FRAS1: variants seen among roughly 807,000 people sequenced by gnomAD.
FRAS1 encodes the protein Fraser extracellular matrix complex subunit 1, also known as extracellular matrix organizing protein FRAS1.
Under a neutral mutation model 435.2 loss-of-function variants are expected in FRAS1, and 290 were observed. That is an observed-to-expected ratio of 0.67 (90% CI 0.61 to 0.73). FRAS1 has a LOEUF of 0.73. Ranked by LOEUF, FRAS1 falls within the 30% of genes least tolerant of loss-of-function variation. The pLI, the probability that FRAS1 is intolerant of heterozygous loss-of-function variation, is 0.00. For missense variants in FRAS1, 4,860 were observed against 5,001.5 expected, an observed-to-expected ratio of 0.97 and a Z score of 0.85; for synonymous variants, 1,800 against 1,851.0, an observed-to-expected ratio of 0.97 and a Z score of 0.71.
chr4:78,285,020 A>G (rs1277181173), intron 13 of FRAS1, among the ~76,000 whole-genome samples: 2 of 152,168 alleles, frequency 1.3e-5, no homozygotes, highest in East Asian at 1.9e-4. Flanking sequence ...CTCAATATCA[A>G]ACAGATAGTT....
intron 4 of FRAS1, among the ~76,000 whole-genome samples, chr4:78,249,880 G>A (rs1454299388): frequency 6.6e-6 from 1 of 152,130 alleles, no homozygotes; most frequent in African/African-American, 2.4e-5. Flanking sequence ...CAACAGTGGT[G>A]TTTCTTGGTA....
rs1741088952 is a variant in FRAS1 at position 78,085,242 on chromosome 4, T to G, written c.108+19226T>G. The stretch of plus-strand genomic sequence containing the variant: ...ACAGATAGGAAATGATATCTCAGCA[T>G]AGTTTTAATTGTATTTCTGTGTTCG... On this transcript the variant is annotated intron_variant, in intron 2 of 73. Coordinates refer to ENST00000512123, the MANE Select transcript of FRAS1 (RefSeq NM_025074.7). Among the ~76,000 whole-genome samples the G allele has an allele frequency of 2.6e-5, 4 of 152,150 alleles. 1 individual carries two copies. In the South Asian group the frequency reaches 8.3e-4, roughly 31 times the overall value.
intron 2 of FRAS1, among the ~76,000 whole-genome samples, chr4:78,128,377 A>C (rs1278341672): frequency 6.6e-6 from 1 of 152,152 alleles, no homozygotes; most frequent in African/African-American, 2.4e-5. Flanking sequence ...CAACAGTGTA[A>C]ACATGTTCCT....
chr4:78,367,250 A>T (rs1304241866), intron 22 of FRAS1, among the ~76,000 whole-genome samples: 1 of 152,056 alleles, frequency 6.6e-6, no homozygotes, highest in East Asian at 1.9e-4. Context: ...AGAAAAAATT[A>T]AAAAATAAGC....
At chr4:78,327,680 A>G (rs762196854) in intron 18 of FRAS1, among the ~76,000 whole-genome samples, 2 of 152,162 alleles carry the variant, frequency 1.3e-5, no homozygotes, top group Non-Finnish European at 2.9e-5. Context: ...GCATGGAGGA[A>G]TTATTCATAG....
intron 73 of FRAS1, 85 bp downstream of exon 73, chr4:78,539,525 C>A (rs1721986421): frequency 1.7e-6 from 2 of 1,182,522 alleles, no homozygotes; most frequent in African/African-American, 1.6e-5. Context: ...AGGACTGCAA[C>A]ATCTCTGGAT....
chr4:78,240,247 G>A (rs970530111), intron 3 of FRAS1, among the ~76,000 whole-genome samples: 2 of 152,100 alleles, frequency 1.3e-5, no homozygotes, highest in African/African-American at 4.8e-5. Context: ...AGTATCTCTG[G>A]TTTTTCAAAG....
intron 2 of FRAS1, among the ~76,000 whole-genome samples, chr4:78,067,535 C>T (rs1285074136): frequency 6.6e-6 from 1 of 152,198 alleles, no homozygotes; most frequent in East Asian, 1.9e-4. Flanking sequence ...CATGCCCTAG[C>T]TGATCCCAGG....
chr4:78,312,855 A>AAGAGAGAGAG (rs751883433), intron 15 of FRAS1, among the ~76,000 whole-genome samples: 2 of 75,248 alleles, frequency 2.7e-5, no homozygotes, highest in Non-Finnish European at 2.4e-5. Flanking sequence ...GAAAGAAAGA[A>AAGAGAGAGAG]AGAAAGAGAG....
chr4:78,400,789 G>A lies in FRAS1; in HGVS notation c.4031G>A (p.Gly1344Glu), dbSNP rs1732856954. 6.2e-7 allele frequency: 1 copy of A among 1,613,394 alleles called. No homozygotes were observed. Among genetic ancestry groups the A allele is most frequent in the African/African-American group, 1.3e-5 (1 of 74,902 alleles). Reference protein sequence around the residue: ...ANSMVWVPEGGMLQITNRILQ... With the variant: ...ANSMVWVPEGEMLQITNRILQ... ...TCGATGGTGTGGGTTCCAGAAGGGG[G>A]GATGCTGCAGATCACCAACAGAATC... The change falls in exon 30 of 74, where the codon GGG becomes GAG. Residue 1344 changes from glycine to glutamate, a missense_variant. Transcript: ENST00000512123.
At chr4:78,249,056 TATATATGC>T (rs1254107172) in intron 4 of FRAS1, among the ~76,000 whole-genome samples, 2,857 of 69,330 alleles carry the variant, frequency 0.041, 229 homozygotes, top group African/African-American at 0.13. Context: ...CTGATATATA[TATATATGC>T]ATATATATAT....
chr4:78,513,312 T>C, intron 64 of FRAS1, 80 bp from the exon 65 acceptor site: 2 of 1,410,558 alleles, frequency 1.4e-6, no homozygotes, highest in South Asian at 2.4e-5. Context: ...GAAGACAAAT[T>C]AGGTGATGAG....
intron 72 of FRAS1, among the ~76,000 whole-genome samples, chr4:78,538,892 C>T (rs1357612509): frequency 2.0e-5 from 3 of 150,718 alleles, no homozygotes; most frequent in Admixed American, 6.6e-5. Flanking sequence ...GAGGTGGAGC[C>T]AGCAGTGAGC....
At chr4:78,466,170 G>T in intron 49 of FRAS1, 38 bp from the exon 50 acceptor site, 1 of 1,576,514 alleles carries the variant, frequency 6.3e-7, no homozygotes, top group South Asian at 1.1e-5. Flanking sequence ...TTTCTGTTAT[G>T]AGCTTCCCTC....
intron 14 of FRAS1, among the ~76,000 whole-genome samples, chr4:78,304,281 C>A (rs531197687): frequency 6.6e-6 from 1 of 152,278 alleles, no homozygotes; most frequent in South Asian, 2.1e-4. Flanking sequence ...AGTATTTTTG[C>A]ATCAATGTTC....
At chr4:78,186,194 G>A (rs1722259834) in intron 2 of FRAS1, among the ~76,000 whole-genome samples, 1 of 151,342 alleles carries the variant, frequency 6.6e-6, no homozygotes. Flanking sequence ...GATTTTTTTA[G>A]AGAGTTGAGA....
chr4:78,416,085 G>C (rs150236831), intron 32 of FRAS1, among the ~76,000 whole-genome samples: 15 of 152,254 alleles, frequency 9.9e-5, no homozygotes, highest in East Asian at 5.8e-4. Flanking sequence ...TACACACACA[G>C]AGAGAGAGGA....
chr4:78,209,887 C>G (rs1723430089), intron 2 of FRAS1, among the ~76,000 whole-genome samples: 1 of 152,200 alleles, frequency 6.6e-6, no homozygotes, highest in Non-Finnish European at 1.5e-5. Flanking sequence ...AATGAACTGA[C>G]AAAGCCAGAA....
chr4:78,481,396 C>T (rs1720006385), intron 56 of FRAS1, among the ~76,000 whole-genome samples: 1 of 152,198 alleles, frequency 6.6e-6, no homozygotes, highest in South Asian at 2.1e-4. Context: ...CCTTAATTGA[C>T]TATTTTCTGA....
Sources: gnomAD v4.1 joint callset for allele counts (sites outside exome capture counted in the v4.1 genomes callset) on GRCh38, gnomAD v4.1.1 for gene constraint, MANE v1.5 for transcripts, NCBI Gene and HGNC (gene_info 2026-07-23, HGNC 2026-07-21) for gene names.